The following GHR variants were observed in gnomAD, a reference collection of about 807,000 sequenced individuals.
GHR encodes the protein growth hormone receptor, also known as GH receptor.
In GHR, 35 loss-of-function variants were observed where a neutral mutation model predicts 67.1. The ratio of observed to expected loss-of-function variants is 0.52; its 90% CI spans 0.40 to 0.69. The LOEUF is 0.69. GHR is among the 30% of genes least tolerant of loss of function. The probability of loss-of-function intolerance (pLI) is 0.00; values close to 1 mark genes in which losing one functional copy is unlikely to be tolerated. For synonymous variants in GHR, 272 were observed against 269.1 expected (o/e 1.01, Z -0.10); for missense variants, 792 against 764.6 (o/e 1.04, Z -0.42).
chr5:42,704,644 C>T (rs1252878746), intron 6 of GHR, among the ~76,000 whole-genome samples: 1 of 151,948 alleles, frequency 6.6e-6, no homozygotes, highest in Non-Finnish European at 1.5e-5. Context: ...GGTGAAGCTT[C>T]CAGTGAAACT....
intron 3 of GHR, among the ~76,000 whole-genome samples, chr5:42,679,309 A>C (rs536994677): frequency 6.6e-6 from 1 of 151,102 alleles, no homozygotes; most frequent in Admixed American, 6.6e-5. Context: ...AAAACTTTGA[A>C]AGCCACCAGT....
At chr5:42,632,576 A>T (rs1244090816) in intron 3 of GHR, among the ~76,000 whole-genome samples, 1 of 152,240 alleles carries the variant, frequency 6.6e-6, no homozygotes, top group African/African-American at 2.4e-5. Flanking sequence ...ATCCATGTGA[A>T]TGTGCATTTT....
chr5:42,476,354 G>T, intron 1 of GHR, among the ~76,000 whole-genome samples: 1 of 151,938 alleles, frequency 6.6e-6, no homozygotes, highest in East Asian at 1.9e-4. Flanking sequence ...CGAGTAGCTG[G>T]GATTACAGGC....
intron 2 of GHR, among the ~76,000 whole-genome samples, chr5:42,586,972 T>C (rs549789561): frequency 1.3e-5 from 2 of 152,238 alleles, no homozygotes; most frequent in Admixed American, 1.3e-4. Flanking sequence ...TGTTCAATAT[T>C]TGAGGTCAGT....
At position 42,629,088 on chromosome 5, in the gene GHR, C is replaced by T. The variant is rs1753835556; in HGVS notation, c.121C>T (p.Pro41Ser). The T allele has an allele frequency of 7.3e-7, 1 of 1,374,920 alleles. No homozygotes were observed. Among genetic ancestry groups the T allele is most frequent in the African/African-American group, 1.8e-5 (1 of 55,328 alleles). The allele number at this position is 1,374,920 out of a possible 1,614,324, so 85.2% of individuals were successfully genotyped here. ...RAPWSLQSVN[P>S]GLKTNSSKEP... is the part of the protein sequence containing the mutation. ...ACCCTGGAGTCTGCAAAGTGTTAATCCAGGCCTAAAGACAAGTAAGAATTT... is the reference window on the plus strand; with the variant it reads ...ACCCTGGAGTCTGCAAAGTGTTAATTCAGGCCTAAAGACAAGTAAGAATTT... Residue 41 changes from proline (P) to serine (S), a missense_variant, in exon 3 of 10, where the codon CCA becomes TCA. Pro to Ser is a moderately conservative substitution (Grantham distance 74). Transcript: ENST00000230882.
At chr5:42,697,864 G>A (rs1385407267) in intron 5 of GHR, among the ~76,000 whole-genome samples, 1 of 152,192 alleles carries the variant, frequency 6.6e-6, no homozygotes, top group African/African-American at 2.4e-5. Flanking sequence ...AAGGGGTACA[G>A]TGGGGAGACA....
intron 1 of GHR, among the ~76,000 whole-genome samples, chr5:42,458,380 A>G (rs1198551420): frequency 6.6e-6 from 1 of 152,174 alleles, no homozygotes; most frequent in African/African-American, 2.4e-5. Flanking sequence ...GAAATGGGGA[A>G]AGGACTCTCT....
chr5:42,592,614 T>C (rs1408559915), intron 2 of GHR, among the ~76,000 whole-genome samples: 1 of 152,218 alleles, frequency 6.6e-6, no homozygotes, highest in Non-Finnish European at 1.5e-5. Flanking sequence ...TATGGCTGCA[T>C]AGTATTCCAT....
chr5:42,578,657 T>C (rs1750900367), intron 2 of GHR, among the ~76,000 whole-genome samples: 2 of 152,198 alleles, frequency 1.3e-5, no homozygotes, highest in Non-Finnish European at 2.9e-5. Flanking sequence ...TAATTGTAAC[T>C]AAATACTCTT....
At chr5:42,602,096 G>GT (rs1443452080) in intron 2 of GHR, among the ~76,000 whole-genome samples, 6 of 152,070 alleles carry the variant, frequency 3.9e-5, no homozygotes, top group Non-Finnish European at 5.9e-5. Context: ...ACAACATGAT[G>GT]TTTTTTATAA....
At chr5:42,695,477 T>C (rs915070803) in intron 5 of GHR, among the ~76,000 whole-genome samples, 1 of 152,254 alleles carries the variant, frequency 6.6e-6, no homozygotes, top group Non-Finnish European at 1.5e-5. Flanking sequence ...TGAAATACGT[T>C]GGCCTTTGAC....
intron 2 of GHR, among the ~76,000 whole-genome samples, chr5:42,616,508 G>T (rs1271959039): frequency 2.0e-5 from 3 of 152,036 alleles, no homozygotes; most frequent in Non-Finnish European, 4.4e-5. Flanking sequence ...TTGCTCGAGA[G>T]TTCTGTGTTA....
At chr5:42,569,156 A>G (rs765492220) in intron 2 of GHR, among the ~76,000 whole-genome samples, 1 of 152,244 alleles carries the variant, frequency 6.6e-6, no homozygotes, top group Non-Finnish European at 1.5e-5. Flanking sequence ...AGGCTATTAC[A>G]GGAATAACTT....
intron 3 of GHR, among the ~76,000 whole-genome samples, chr5:42,686,361 CAG>C (rs1045594782): frequency 1.6e-5 from 2 of 124,426 alleles, no homozygotes; most frequent in African/African-American, 5.8e-5. Flanking sequence ...AGTATGAAGT[CAG>C]AGACACAATA....
intron 3 of GHR, among the ~76,000 whole-genome samples, chr5:42,661,916 C>A (rs1395205006): frequency 6.6e-6 from 1 of 152,082 alleles, no homozygotes; most frequent in Admixed American, 6.5e-5. Flanking sequence ...GAAGATCTAC[C>A]AAGCAAATGG....
chr5:42,509,622 C>G (rs114488742), intron 1 of GHR, among the ~76,000 whole-genome samples: 189 of 152,194 alleles, frequency 1.2e-3, no homozygotes, highest in African/African-American at 4.1e-3. Flanking sequence ...ATTAGCTCAG[C>G]AATTTTCTTT....
In GHR at chr5:42,424,470, G is replaced by T. The variant is rs1459606726; in HGVS notation, c.-12+515G>T. On this transcript the variant is annotated intron_variant, in intron 1 of 9. Coordinates refer to ENST00000230882, the MANE Select transcript of GHR (RefSeq NM_000163.5). This position sits in a 1 kb window ranked among gnomAD's most constrained non-coding sequence, Gnocchi z 4.1. ...CGCGACTGGAGAGACTGGGGAGGTCGAGCTGTGCGCGTGGACACAGCGCGC... is the reference window on the plus strand; with the variant it reads ...CGCGACTGGAGAGACTGGGGAGGTCTAGCTGTGCGCGTGGACACAGCGCGC... 5 of 809,270 alleles carry T rather than the reference G, an allele frequency of 6.2e-6. No homozygotes were observed. The highest frequency in any genetic ancestry group is 2.1e-5 in the Admixed American group (1 of 48,582). The allele number at this position is 809,270 out of a possible 1,614,324, so 50.1% of individuals were successfully genotyped here. A position where few individuals can be genotyped will look rare whatever the true frequency, so the allele number is the denominator to read the frequency against.
intron 3 of GHR, among the ~76,000 whole-genome samples, chr5:42,662,474 TG>T (rs1755698178): frequency 6.6e-6 from 1 of 152,070 alleles, no homozygotes; most frequent in South Asian, 2.1e-4. Flanking sequence ...CTCAACTACA[TG>T]GAAACTGAAC....
At chr5:42,490,818 T>C (rs1746083915) in intron 1 of GHR, among the ~76,000 whole-genome samples, 4 of 152,220 alleles carry the variant, frequency 2.6e-5, no homozygotes, top group Admixed American at 2.6e-4. Flanking sequence ...GGTAGTGTGA[T>C]GTTATAAAGC....
Sources: gnomAD v4.1 joint callset for allele counts (sites outside exome capture counted in the v4.1 genomes callset) on GRCh38, gnomAD v4.1.1 for gene constraint, Gnocchi (gnomAD v3.1) non-coding constraint, MANE v1.5 for transcripts, NCBI Gene and HGNC (gene_info 2026-07-23, HGNC 2026-07-21) for gene names.